Variants in DOCK9 observed in about 807,000 individuals in gnomAD.
DOCK9 encodes dedicator of cytokinesis 9, also known as dedicator of cytokinesis protein 9.
DOCK9 carries 89 observed loss-of-function variants against 263.3 expected under a neutral mutation model. The ratio of observed to expected loss-of-function variants is 0.34; its 90% confidence interval spans 0.28 to 0.40. DOCK9 has a LOEUF of 0.40. Ranked by LOEUF, DOCK9 falls within the 10% of genes least tolerant of loss-of-function variation. DOCK9 has a pLI of 1.00. For synonymous variants in DOCK9, 976 were observed against 973.1 expected (o/e 1.00, Z -0.06); for missense variants, 2,140 against 2,603.4 (o/e 0.82, Z 3.87).
chr13:98,816,077 A>C (rs1302809910), intron 45 of DOCK9, among the ~76,000 whole-genome samples: 1 of 152,194 alleles, frequency 6.6e-6, no homozygotes, highest in African/African-American at 2.4e-5. Flanking sequence ...AATATTTATC[A>C]AGCATCTACT....
At chr13:98,826,718 C>T in intron 44 of DOCK9, 112 bp downstream of exon 44, 1 of 853,686 alleles carries the variant, frequency 1.2e-6, no homozygotes, top group East Asian at 2.8e-5. Flanking sequence ...GAATACACTT[C>T]ACAAACACAC....
intron 50 of DOCK9, among the ~76,000 whole-genome samples, chr13:98,798,780 G>A (rs1342079229): frequency 6.6e-6 from 1 of 152,178 alleles, no homozygotes; most frequent in Non-Finnish European, 1.5e-5. Flanking sequence ...TGTTACTTTG[G>A]TAGGTATGAG....
intron 15 of DOCK9, among the ~76,000 whole-genome samples, chr13:98,893,579 C>T (rs2046950475): frequency 6.6e-6 from 1 of 152,142 alleles, no homozygotes; most frequent in Non-Finnish European, 1.5e-5. Context: ...GGCTTATGAG[C>T]TTTGGCAGCT....
intron 48 of DOCK9, among the ~76,000 whole-genome samples, chr13:98,806,609 A>G (rs1436144806): frequency 2.0e-5 from 3 of 152,240 alleles, no homozygotes; most frequent in African/African-American, 4.8e-5. Context: ...ACATAAAGTC[A>G]TAGAAAGTTA....
At chr13:99,043,822 G>A (rs1303813863) in intron 1 of DOCK9, among the ~76,000 whole-genome samples, 3 of 151,930 alleles carry the variant, frequency 2.0e-5, no homozygotes, top group Admixed American at 6.6e-5. Context: ...ATGATGGGAC[G>A]GCCAGCTTCA....
At chr13:98,818,409 A>T (rs899959911) in intron 45 of DOCK9, among the ~76,000 whole-genome samples, 2 of 152,194 alleles carry the variant, frequency 1.3e-5, no homozygotes, top group Non-Finnish European at 2.9e-5. Flanking sequence ...AATTTACTTT[A>T]AATTCTCAGC....
intron 2 of DOCK9, among the ~76,000 whole-genome samples, chr13:98,932,002 C>A (rs2054028216): frequency 6.6e-6 from 1 of 152,022 alleles, no homozygotes; most frequent in Non-Finnish European, 1.5e-5. Context: ...GCTGAGATTA[C>A]AGGCGTGAGC....
rs1475119117 is a variant in DOCK9 at position 98,885,067 on chromosome 13, C to T, written c.2286G>A (p.Leu762=). 6.2e-7 allele frequency: 1 copy of T among 1,613,588 alleles called. No homozygotes were observed. Among genetic ancestry groups the T allele is most frequent in the South Asian group, 1.1e-5 (1 of 90,978 alleles). ...TQVGYSWLPL[L]KDGRVVTSEQ... is the part of the protein sequence containing the mutation. ...CGCTTGTCACCACCCTTCCGTCTTT[C>T]AGGAGGGGAAGCCAGGAGTAGCCAA... Residue 762 remains leucine, a synonymous_variant, in exon 21 of 53, where the codon CTG becomes CTA. Transcript: ENST00000682017.
intron 45 of DOCK9, among the ~76,000 whole-genome samples, chr13:98,812,149 T>TC (rs1491397680): frequency 2.4e-5 from 3 of 123,146 alleles, no homozygotes; most frequent in Admixed American, 8.4e-5. Context: ...TTTTTTTTTT[T>TC]CGGTTTTGCT....
At chr13:98,863,193 T>C in intron 31 of DOCK9, 61 bp from the exon 32 acceptor site, 1 of 1,521,844 alleles carries the variant, frequency 6.6e-7, no homozygotes, top group Non-Finnish European at 9.0e-7. Flanking sequence ...ACTAAGTTGG[T>C]GCTGACCATC....
At chr13:98,812,789 G>A (rs1404951140) in intron 45 of DOCK9, among the ~76,000 whole-genome samples, 3 of 151,570 alleles carry the variant, frequency 2.0e-5, no homozygotes, top group Admixed American at 6.6e-5. Flanking sequence ...TCCACCTCAT[G>A]TGTACTATGA....
chr13:99,016,972 T>A (rs922880539), intron 1 of DOCK9, among the ~76,000 whole-genome samples: 2 of 152,180 alleles, frequency 1.3e-5, no homozygotes, highest in African/African-American at 4.8e-5. Flanking sequence ...CGTGATCCCA[T>A]AATGTCTGTT....
At chr13:98,806,829 A>G (rs1269108138) in intron 48 of DOCK9, among the ~76,000 whole-genome samples, 2 of 152,020 alleles carry the variant, frequency 1.3e-5, no homozygotes, top group Admixed American at 6.6e-5. Context: ...GAATCTCTTG[A>G]ACCCAGGAGG....
At chr13:99,014,906 C>T (rs1266968728) in intron 1 of DOCK9, among the ~76,000 whole-genome samples, 4 of 152,176 alleles carry the variant, frequency 2.6e-5, no homozygotes, top group Non-Finnish European at 4.4e-5. Flanking sequence ...ACCCTTCACC[C>T]CAAAACATGT....
chr13:98,984,190 G>A (rs1877915206), intron 1 of DOCK9, among the ~76,000 whole-genome samples: 1 of 152,174 alleles, frequency 6.6e-6, no homozygotes, highest in Non-Finnish European at 1.5e-5. Context: ...AGGAGCTAGA[G>A]AGCCAACCAA....
chr13:98,890,668 A>G (rs1317498998), intron 15 of DOCK9, among the ~76,000 whole-genome samples: 1 of 152,174 alleles, frequency 6.6e-6, no homozygotes, highest in Non-Finnish European at 1.5e-5. Flanking sequence ...GTTCCTACCT[A>G]CAATTTTGCA....
Position 98,831,491 on chromosome 13 carries a change from C to T in DOCK9, c.4492G>A (p.Ala1498Thr). ...TTGAGAATCTCGTAACACAGAGCCG[C>T]ACACATGTCCGCTCTCCCTTCATAG... The part of the protein sequence containing the change: ...TFYEGRADMC[A>T]ALCYEILKCC... Residue 1498 changes from alanine to threonine, a missense_variant, in exon 41 of 53, where the codon GCG becomes ACG. Around this residue, in one of 2 missense-constraint regions of DOCK9, gnomAD observed 619 missense variants for 861.8 expected, o/e 0.72. Transcript: ENST00000682017. 6.3e-7 allele frequency: 1 copy of T among 1,590,574 alleles called. No homozygotes were observed. Among genetic ancestry groups the T allele is most frequent in the Non-Finnish European group, 8.6e-7 (1 of 1,167,960 alleles).
In DOCK9 at chr13:98,794,431, G is replaced by A; in HGVS notation, c.*195C>T. 1 of 605,884 alleles carries A rather than the reference G, an allele frequency of 1.7e-6. No homozygotes were observed. The highest frequency in any genetic ancestry group is 2.8e-6 in the Non-Finnish European group (1 of 358,482). The allele number at this position is 605,884 out of a possible 1,614,324, so 37.5% of individuals were successfully genotyped here. ...TGAAAACTTTGAATATTGCCAGTGA[G>A]ATTTAAAAAAATATGTGCACCTTCT... On this transcript the variant is annotated 3_prime_UTR_variant, in exon 53 of 53. Transcript: ENST00000682017.
intron 27 of DOCK9, 29 bp downstream of exon 27, chr13:98,879,869 A>T: frequency 6.4e-7 from 1 of 1,573,556 alleles, no homozygotes; most frequent in Non-Finnish European, 8.6e-7. Context: ...TTCCCCTAAG[A>T]ACACAAGCTT....
Sources: gnomAD v4.1 joint callset for allele counts (sites outside exome capture counted in the v4.1 genomes callset) on GRCh38, gnomAD v4.1.1 for gene constraint, gnomAD v4.1.1 regional missense constraint, MANE v1.5 for transcripts, NCBI Gene and HGNC (gene_info 2026-07-23, HGNC 2026-07-21) for gene names.